DPY19L1: variants seen among roughly 807,000 people sequenced by gnomAD.
DPY19L1 encodes the protein protein C-mannosyl-transferase DPY19L1.
DPY19L1 carries 35 observed loss-of-function variants against 96.9 expected under a neutral mutation model. That is an observed-to-expected ratio of 0.36 (90% CI 0.28 to 0.48). DPY19L1 has a LOEUF of 0.48. Ranked by LOEUF, DPY19L1 falls within the 20% of genes least tolerant of loss-of-function variation. DPY19L1 has a pLI of 0.99. For missense variants in DPY19L1, 521 were observed against 777.9 expected (o/e 0.67, Z 3.93); for synonymous variants, 205 against 252.6 (o/e 0.81, Z 1.79).
At chr7:34,951,676 A>G (rs1173621597) in intron 13 of DPY19L1, among the ~76,000 whole-genome samples, 1 of 152,010 alleles carries the variant, frequency 6.6e-6, no homozygotes, top group Non-Finnish European at 1.5e-5. Flanking sequence ...TAAGAATAAG[A>G]ATGAGGACAG....
At position 35,031,956 on chromosome 7, in the gene DPY19L1, T is replaced by C. The variant is rs1307923132; in HGVS notation, c.298+5141A>G. Among the ~76,000 whole-genome samples, 3 of 152,208 alleles carry C rather than the reference T, an allele frequency of 2.0e-5. No homozygotes were observed. In the East Asian group the frequency reaches 5.8e-4, roughly 29 times the overall value. ...ATAAACACACTCTCACAGCTGGTGC[T>C]CAGTTGGGTCTATGTGTCTGTTTGA... On this transcript the variant is annotated intron_variant, in intron 1 of 21. Transcript: ENST00000638088.
chr7:34,939,236 A>G, intron 20 of DPY19L1, 40 bp downstream of exon 20: 1 of 1,563,656 alleles, frequency 6.4e-7, no homozygotes, highest in Middle Eastern at 2.1e-4. Flanking sequence ...GTCTGTTTGC[A>G]TGGGAGGTTT....
intron 21 of DPY19L1, among the ~76,000 whole-genome samples, chr7:34,932,246 T>C (rs1472866453): frequency 6.6e-6 from 1 of 152,190 alleles, no homozygotes; most frequent in South Asian, 2.1e-4. Context: ...CTCCTCAACT[T>C]ACAATGGGGT....
intron 8 of DPY19L1, among the ~76,000 whole-genome samples, chr7:34,972,493 A>G (rs1262909856): frequency 6.6e-6 from 1 of 152,142 alleles, no homozygotes; most frequent in Non-Finnish European, 1.5e-5. Flanking sequence ...GCAGGAAGGA[A>G]CTAGAGACTG....
intron 6 of DPY19L1, among the ~76,000 whole-genome samples, chr7:34,998,685 C>A (rs1175193988): frequency 2.0e-5 from 3 of 152,314 alleles, no homozygotes; most frequent in South Asian, 2.1e-4. Context: ...GCAGTTTACA[C>A]CCTCATCATG....
intron 6 of DPY19L1, among the ~76,000 whole-genome samples, chr7:34,996,325 G>A (rs1785283549): frequency 6.6e-6 from 1 of 152,182 alleles, no homozygotes; most frequent in South Asian, 2.1e-4. Context: ...GTGAGCCTCT[G>A]CTCTGACCCA....
At chr7:35,029,688 A>T (rs900138683) in intron 1 of DPY19L1, among the ~76,000 whole-genome samples, 2 of 152,108 alleles carry the variant, frequency 1.3e-5, no homozygotes, top group African/African-American at 4.8e-5. Flanking sequence ...ATAATCATAT[A>T]AAAAAACCCC....
At chr7:34,940,003 TC>T in intron 19 of DPY19L1, 149 bp downstream of exon 19, 1 of 612,670 alleles carries the variant, frequency 1.6e-6, no homozygotes, top group Non-Finnish European at 2.5e-6. Context: ...GATTGATATC[TC>T]CTTTGTTTTA....
chr7:35,017,528 C>T (rs1301045146), intron 3 of DPY19L1, among the ~76,000 whole-genome samples: 8 of 84,410 alleles, frequency 9.5e-5, no homozygotes, highest in South Asian at 3.3e-4. Context: ...AAAAATTAGC[C>T]GGGCATGGTG....
upstream of DPY19L1, chr7:35,037,920 AAGAGCCC>A (rs1562835868): frequency 1.6e-6 from 2 of 1,235,762 alleles, no homozygotes; most frequent in Non-Finnish European, 2.0e-6. Context: ...GGGCCGAAGG[AAGAGCCC>A]TCTCGGGATC....
intron 10 of DPY19L1, among the ~76,000 whole-genome samples, chr7:34,959,991 T>C (rs1438285978): frequency 6.8e-6 from 1 of 147,986 alleles, no homozygotes; most frequent in Admixed American, 6.8e-5. Context: ...GTAAATATTT[T>C]TCTCAGTTCA....
At position 34,930,670 on chromosome 7, in the gene DPY19L1, G is replaced by C. The variant is rs1243192840; in HGVS notation, c.*903C>G. The C allele has an allele frequency of 6.6e-6, 1 of 151,944 alleles. No individual in the cohort carries two copies. The highest frequency in any genetic ancestry group is 1.5e-5 in the Non-Finnish European group (1 of 67,984). 9.4% of individuals were successfully genotyped at this position (151,944 alleles called of 1,614,324 possible). A position where few individuals can be genotyped will look rare whatever the true frequency, so the allele number is the denominator to read the frequency against. Reference sequence around the variant, plus strand: ...TTAGTTTCTAGATGCACTATATTTGGGGTTGTTCAAAATAGTTTTTCTTAA... The same window carrying C: ...TTAGTTTCTAGATGCACTATATTTGCGGTTGTTCAAAATAGTTTTTCTTAA... On this transcript the variant is annotated 3_prime_UTR_variant, in exon 22 of 22. Transcript: ENST00000638088.
chr7:35,030,682 T>C (rs1786238970), intron 1 of DPY19L1, among the ~76,000 whole-genome samples: 2 of 152,044 alleles, frequency 1.3e-5, no homozygotes, highest in African/African-American at 4.8e-5. Flanking sequence ...AAAAAAATAA[T>C]AGTGAGAATG....
At chr7:34,931,773 T>C (rs769543387) in intron 21 of DPY19L1, 44 bp from the exon 22 acceptor site, 14 of 1,548,508 alleles carry the variant, frequency 9.0e-6, no homozygotes, top group South Asian at 1.3e-5. Context: ...ATGCATTATA[T>C]AACTGCAGAG....
At chr7:35,027,311 G>A (rs1455010457) in intron 1 of DPY19L1, among the ~76,000 whole-genome samples, 2 of 152,066 alleles carry the variant, frequency 1.3e-5, no homozygotes, top group African/African-American at 4.8e-5. Flanking sequence ...TAACACGCTG[G>A]GCTTTGTACT....
At chr7:34,964,655 G>C (rs1201606107) in intron 10 of DPY19L1, among the ~76,000 whole-genome samples, 1 of 152,164 alleles carries the variant, frequency 6.6e-6, no homozygotes, top group African/African-American at 2.4e-5. Flanking sequence ...ATGTAGTAAA[G>C]CATTTCATGA....
chr7:34,990,010 C>T, intron 6 of DPY19L1, 69 bp from the exon 7 acceptor site: 1 of 1,229,998 alleles, frequency 8.1e-7, no homozygotes, highest in Non-Finnish European at 1.2e-6. Context: ...CCTTAAAACA[C>T]ATAATATCAT....
intron 14 of DPY19L1, 115 bp from the exon 15 acceptor site, chr7:34,947,816 T>C: frequency 1.3e-6 from 1 of 774,662 alleles, no homozygotes. Flanking sequence ...CATTCACCAA[T>C]CTACTCACTG....
intron 1 of DPY19L1, among the ~76,000 whole-genome samples, chr7:35,035,050 G>A (rs1475923654): frequency 6.6e-6 from 1 of 152,182 alleles, no homozygotes; most frequent in Non-Finnish European, 1.5e-5. Context: ...GGAAGAAATA[G>A]GTCTGACATC....
Sources: gnomAD v4.1 joint callset for allele counts (sites outside exome capture counted in the v4.1 genomes callset) on GRCh38, gnomAD v4.1.1 for gene constraint, MANE v1.5 for transcripts, NCBI Gene and HGNC (gene_info 2026-07-23, HGNC 2026-07-21) for gene names.